The following CCDC73 variants were observed in gnomAD, a reference collection of about 807,000 sequenced individuals.
CCDC73 encodes coiled-coil domain containing 73.
A neutral mutation model predicts 116.5 loss-of-function variants in CCDC73; 95 were observed. That is an observed-to-expected ratio of 0.82 (90% CI 0.69 to 0.97). The LOEUF (loss-of-function observed/expected upper bound fraction) is 0.97. Ranked by LOEUF, CCDC73 falls within the 50% of genes least tolerant of loss-of-function variation. The pLI is 0.00. For synonymous variants in CCDC73, 398 were observed against 401.3 expected (o/e 0.99, Z 0.10); for missense variants, 1,066 against 1,206.8 (o/e 0.88, Z 1.73).
intron 7 of CCDC73, among the ~76,000 whole-genome samples, chr11:32,676,255 T>C (rs188475329): frequency 1.3e-5 from 2 of 152,330 alleles, no homozygotes; most frequent in East Asian, 3.9e-4. Flanking sequence ...AAATAGTCAC[T>C]TCAGGTTATG....
intron 1 of CCDC73, among the ~76,000 whole-genome samples, chr11:32,792,135 A>G (rs1850682246): frequency 6.6e-6 from 1 of 152,070 alleles, no homozygotes; most frequent in Non-Finnish European, 1.5e-5. Flanking sequence ...CTCTAACACA[A>G]TTTCCCAAAG....
upstream of CCDC73, among the ~76,000 whole-genome samples, chr11:32,795,834 C>T (rs551334531): frequency 1.6e-4 from 25 of 152,072 alleles, no homozygotes; most frequent in Middle Eastern, 0.01. Context: ...GGATTACAGG[C>T]GCCTGCCACC....
upstream of CCDC73, among the ~76,000 whole-genome samples, chr11:32,797,518 A>G (rs1039093573): frequency 5.9e-5 from 9 of 152,170 alleles, no homozygotes; most frequent in Non-Finnish European, 1.0e-4. Flanking sequence ...TTGAAATTTC[A>G]TCAACTCTCC....
chr11:32,722,374 C>T (rs922542803), intron 2 of CCDC73, among the ~76,000 whole-genome samples: 1 of 152,194 alleles, frequency 6.6e-6, no homozygotes, highest in Non-Finnish European at 1.5e-5. Context: ...GGGTCACATA[C>T]CCTCTCCTAA....
At chr11:32,813,773 A>C in the CCDC73 span, among the ~76,000 whole-genome samples, 2 of 152,214 alleles carry the variant, frequency 1.3e-5, no homozygotes, top group East Asian at 3.8e-4. Context: ...TTATTAGTCT[A>C]ATATCACACC....
chr11:32,685,718 CTTTT>C (rs149696866), intron 6 of CCDC73, among the ~76,000 whole-genome samples: 22 of 90,680 alleles, frequency 2.4e-4, no homozygotes, highest in Admixed American at 1.4e-4. Context: ...CCTGACTTAG[CTTTT>C]TTTTTTTTTT....
chr11:32,731,342 T>G, intron 2 of CCDC73, among the ~76,000 whole-genome samples: 1 of 152,300 alleles, frequency 6.6e-6, no homozygotes, highest in East Asian at 1.9e-4. Context: ...ACTCCACCTC[T>G]GGGGGCAGGG....
intron 9 of CCDC73, among the ~76,000 whole-genome samples, chr11:32,666,930 AC>A (rs1855988999): frequency 6.6e-6 from 1 of 152,088 alleles, no homozygotes; most frequent in Non-Finnish European, 1.5e-5. Flanking sequence ...TCCACTCCAG[AC>A]CCTGTTTGCC....
intron 14 of CCDC73, among the ~76,000 whole-genome samples, chr11:32,626,828 C>A (rs1357182828): frequency 5.9e-5 from 9 of 152,118 alleles, no homozygotes; most frequent in African/African-American, 1.7e-4. Context: ...TTAATTCAAG[C>A]TGGATTAAAG....
the CCDC73 span, among the ~76,000 whole-genome samples, chr11:32,816,844 C>T: frequency 3.9e-5 from 6 of 152,076 alleles, no homozygotes; most frequent in African/African-American, 1.2e-4. Flanking sequence ...AGTTCAATGG[C>T]GCGATCTCGG....
At chr11:32,771,131 G>T (rs1850489698) in intron 1 of CCDC73, among the ~76,000 whole-genome samples, 1 of 152,098 alleles carries the variant, frequency 6.6e-6, no homozygotes, top group African/African-American at 2.4e-5. Flanking sequence ...TGTTTGTTTG[G>T]TTTCAGTTTT....
At chr11:32,737,572 C>G (rs529856313) in intron 2 of CCDC73, among the ~76,000 whole-genome samples, 1 of 149,760 alleles carries the variant, frequency 6.7e-6, no homozygotes, top group Non-Finnish European at 1.5e-5. Context: ...GAGCCAAGAT[C>G]GTGCCACTGC....
At chr11:32,829,938 G>A in the CCDC73 span, 89,380 of 985,456 alleles carry the variant, frequency 0.091, 4,238 homozygotes, top group Non-Finnish European at 0.094. Context: ...TCCGTCGGCC[G>A]CCTCCCCGGA....
intron 9 of CCDC73, among the ~76,000 whole-genome samples, chr11:32,669,110 G>T (rs7939376): frequency 0.048 from 7,286 of 152,156 alleles, 194 homozygotes; most frequent in African/African-American, 0.064. Context: ...TATGGATACT[G>T]AAGGATATAA....
chr11:32,766,786 G>C (rs970183745), intron 1 of CCDC73, among the ~76,000 whole-genome samples: 1 of 152,126 alleles, frequency 6.6e-6, no homozygotes, highest in African/African-American at 2.4e-5. Context: ...CCTCTTCAAG[G>C]AGAACTACAA....
intron 1 of CCDC73, among the ~76,000 whole-genome samples, chr11:32,761,443 TAAACGCCC>T (rs1850391025): frequency 6.6e-6 from 1 of 152,218 alleles, no homozygotes; most frequent in African/African-American, 2.4e-5. Context: ...TCCTTAGAGA[TAAACGCCC>T]AAGAGTAAAA....
At chr11:32,636,932 G>A (rs996107601) in intron 13 of CCDC73, among the ~76,000 whole-genome samples, 18 of 149,624 alleles carry the variant, frequency 1.2e-4, no homozygotes, top group African/African-American at 3.0e-4. Context: ...GCATCTTCTC[G>A]TCAGCCTACA....
rs963130379 is a variant in CCDC73, at chr11:32,629,187, C to T, written c.1185+6509G>A. ...CAGTAACCTGTGGGACAATATTAAG[C>T]AGTCTAACGTGTGTAACTGAAGTCC... On this transcript the variant is annotated intron_variant, in intron 14 of 17. Coordinates refer to ENST00000335185, the MANE Select transcript of CCDC73 (RefSeq NM_001008391.4). Among the ~76,000 whole-genome samples, 14 of 152,046 alleles carry T rather than the reference C, an allele frequency of 9.2e-5. No homozygotes were observed. The South Asian group carries it at 2.3e-3, about 25-fold the overall frequency.
intron 14 of CCDC73, among the ~76,000 whole-genome samples, chr11:32,623,815 A>T (rs1312881495): frequency 1.3e-5 from 2 of 152,198 alleles, no homozygotes; most frequent in African/African-American, 4.8e-5. Context: ...TTTACTTTTT[A>T]AAATGGGAGG....
Sources: gnomAD v4.1 joint callset for allele counts (sites outside exome capture counted in the v4.1 genomes callset) on GRCh38, gnomAD v4.1.1 for gene constraint, MANE v1.5 for transcripts, NCBI Gene and HGNC (gene_info 2026-07-23, HGNC 2026-07-21) for gene names.